The following HYCC2 variants were observed in gnomAD, a reference collection of about 807,000 sequenced individuals.
HYCC2 encodes hyccin PI4KA lipid kinase complex subunit 2, also known as hyccin 2.
At chr2:201,047,604 A>G in the HYCC2 span, among the ~76,000 whole-genome samples, 17 of 151,840 alleles carry the variant, frequency 1.1e-4, no homozygotes, top group African/African-American at 3.6e-4. Context: ...TGCCAACACC[A>G]AGCAGGACAT....
At chr2:201,062,922 C>T in the HYCC2 span, among the ~76,000 whole-genome samples, 33 of 150,728 alleles carry the variant, frequency 2.2e-4, no homozygotes, top group African/African-American at 7.5e-4. Flanking sequence ...GAGAGGCCTA[C>T]TGAGAGGTTA....
chr2:201,018,560 T>G, the HYCC2 span, among the ~76,000 whole-genome samples: 1 of 152,226 alleles, frequency 6.6e-6, no homozygotes, highest in Non-Finnish European at 1.5e-5. Context: ...TTAGAAGAGT[T>G]AGGCTTAGCT....
At chr2:201,017,018 T>A in the HYCC2 span, 1 of 1,613,642 alleles carries the variant, frequency 6.2e-7, no homozygotes, top group Non-Finnish European at 8.5e-7. Flanking sequence ...ACAGAAGTGC[T>A]TCAATGCAAC....
the HYCC2 span, chr2:201,017,067 T>C: frequency 6.2e-7 from 1 of 1,614,134 alleles, no homozygotes; most frequent in Non-Finnish European, 8.5e-7. Context: ...AAGCCGTAAA[T>C]AAACCCACAT....
the HYCC2 span, among the ~76,000 whole-genome samples, chr2:201,037,524 G>A: frequency 6.6e-6 from 1 of 152,098 alleles, no homozygotes; most frequent in Non-Finnish European, 1.5e-5. Context: ...AAACAGCATG[G>A]TACTGGTACC....
chr2:201,042,975 G>A, the HYCC2 span, among the ~76,000 whole-genome samples: 17 of 152,316 alleles, frequency 1.1e-4, no homozygotes, highest in African/African-American at 3.6e-4. Flanking sequence ...TGACAATGGC[G>A]GTTTTGTGGA....
At chr2:201,045,654 A>G in the HYCC2 span, 1 of 396,242 alleles carries the variant, frequency 2.5e-6, no homozygotes, top group Non-Finnish European at 4.5e-6. Flanking sequence ...AATGTAATAC[A>G]AAGAACAGTT....
the HYCC2 span, among the ~76,000 whole-genome samples, chr2:200,998,164 T>C: frequency 6.6e-6 from 1 of 152,224 alleles, no homozygotes; most frequent in African/African-American, 2.4e-5. Context: ...AAAGTCCTTC[T>C]TACAAGGTAC....
the HYCC2 span, among the ~76,000 whole-genome samples, chr2:201,009,787 T>G: frequency 6.6e-6 from 1 of 151,850 alleles, no homozygotes; most frequent in Non-Finnish European, 1.5e-5. Context: ...CTAACATTAT[T>G]GAGTTCATGT....
the HYCC2 span, among the ~76,000 whole-genome samples, chr2:201,013,762 G>A: frequency 3.3e-5 from 5 of 152,120 alleles, no homozygotes. Flanking sequence ...TTTAAGTTAA[G>A]CAAAAATGTT....
At chr2:201,036,345 A>T in the HYCC2 span, among the ~76,000 whole-genome samples, 1 of 152,200 alleles carries the variant, frequency 6.6e-6, no homozygotes, top group Non-Finnish European at 1.5e-5. Context: ...TCCTTCTAAA[A>T]CTATTCCAAT....
the HYCC2 span, among the ~76,000 whole-genome samples, chr2:201,031,725 A>G: frequency 6.6e-6 from 1 of 152,120 alleles, no homozygotes; most frequent in Non-Finnish European, 1.5e-5. Flanking sequence ...AACCACATTC[A>G]TGGTTTACTC....
At chr2:201,007,701 A>G in the HYCC2 span, among the ~76,000 whole-genome samples, 1 of 152,172 alleles carries the variant, frequency 6.6e-6, no homozygotes, top group African/African-American at 2.4e-5. Flanking sequence ...CTTAGGTAGG[A>G]GTTGGCCATG....
At chr2:200,999,120 G>T in the HYCC2 span, among the ~76,000 whole-genome samples, 1 of 152,102 alleles carries the variant, frequency 6.6e-6, no homozygotes, top group Admixed American at 6.5e-5. Context: ...CTAGCAAAAA[G>T]ATCTCTAGTT....
the HYCC2 span, among the ~76,000 whole-genome samples, chr2:201,006,075 G>A: frequency 0.011 from 1,721 of 149,800 alleles, 16 homozygotes; most frequent in Non-Finnish European, 0.017. Context: ...CTTGTGATCC[G>A]CCTGCCTCAG....
chr2:201,037,128 T>C, the HYCC2 span, among the ~76,000 whole-genome samples: 1 of 152,200 alleles, frequency 6.6e-6, no homozygotes, highest in African/African-American at 2.4e-5. Context: ...AAATCATGAG[T>C]GAACTCCCAT....
At chr2:200,993,111 G>T in the HYCC2 span, 1 of 748,794 alleles carries the variant, frequency 1.3e-6, no homozygotes, top group Non-Finnish European at 2.3e-6. Context: ...AGTATATATT[G>T]AGTGCCTGTT....
the HYCC2 span, among the ~76,000 whole-genome samples, chr2:201,005,215 G>A: frequency 1.3e-5 from 2 of 152,146 alleles, no homozygotes. Flanking sequence ...CTTCATGACT[G>A]TGTACTTAAC....
the HYCC2 span, among the ~76,000 whole-genome samples, chr2:201,031,566 A>G: frequency 6.6e-6 from 1 of 152,174 alleles, no homozygotes; most frequent in Non-Finnish European, 1.5e-5. Flanking sequence ...CAGGAGAGTC[A>G]CTTCAACCTG....
Sources: allele counts gnomAD v4.1 joint callset (sites outside exome capture counted in the v4.1 genomes callset), GRCh38; gene constraint gnomAD v4.1.1; transcripts MANE v1.5; gene names NCBI Gene and HGNC (gene_info 2026-07-23, HGNC 2026-07-21).